The following PDE3B variants were observed in gnomAD, a reference collection of about 807,000 sequenced individuals.
The protein encoded by PDE3B is phosphodiesterase 3B, also known as cGMP-inhibited 3',5'-cyclic phosphodiesterase 3B.
In PDE3B, 66 loss-of-function variants were observed where a neutral mutation model predicts 116.8. That is an observed-to-expected ratio of 0.56 (90% CI 0.46 to 0.69). The LOEUF is 0.69. Among genes scored for constraint, PDE3B ranks in the 30% least tolerant of loss-of-function variants. PDE3B has a pLI of 0.00. For synonymous variants in PDE3B, 595 were observed against 533.6 expected (o/e 1.12, Z -1.59); for missense variants, 1,384 against 1,368.1 (o/e 1.01, Z -0.18).
At chr11:14,858,905 C>T (rs1051039839) in intron 12 of PDE3B, 138 bp from the exon 13 acceptor site, 5 of 574,208 alleles carry the variant, frequency 8.7e-6, no homozygotes, top group African/African-American at 1.9e-5. Flanking sequence ...AACCTATTTT[C>T]ACAGGTACTA....
intron 1 of PDE3B, among the ~76,000 whole-genome samples, chr11:14,760,773 T>C (rs1857339335): frequency 1.3e-5 from 2 of 152,166 alleles, no homozygotes; most frequent in Admixed American, 1.3e-4. Context: ...ACATATTCTT[T>C]TGGAACATTA....
intron 1 of PDE3B, among the ~76,000 whole-genome samples, chr11:14,661,379 C>T (rs866551744): frequency 1.7e-4 from 26 of 152,328 alleles, no homozygotes; most frequent in Middle Eastern, 6.8e-3. Context: ...GCGTGAGCGA[C>T]GCAAAAGACG....
At chr11:14,746,167 A>T (rs552978150) in intron 1 of PDE3B, among the ~76,000 whole-genome samples, 1 of 152,242 alleles carries the variant, frequency 6.6e-6, no homozygotes, top group African/African-American at 2.4e-5. Context: ...GCCAAGGCGG[A>T]TGGATCACTT....
chr11:14,650,404 G>T (rs550067673), intron 1 of PDE3B, among the ~76,000 whole-genome samples: 1 of 151,870 alleles, frequency 6.6e-6, no homozygotes, highest in African/African-American at 2.4e-5. Context: ...AAGGGGTTTC[G>T]CTGTGTTGCC....
At chr11:14,686,065 A>G (rs1479698635) in intron 1 of PDE3B, among the ~76,000 whole-genome samples, 2 of 152,194 alleles carry the variant, frequency 1.3e-5, no homozygotes, top group Non-Finnish European at 1.5e-5. Context: ...GAAGTTCTTC[A>G]GTTTTGTACA....
intron 12 of PDE3B, among the ~76,000 whole-genome samples, chr11:14,857,047 A>G (rs782063658): frequency 8.5e-5 from 13 of 152,130 alleles, no homozygotes; most frequent in African/African-American, 2.7e-4. Flanking sequence ...AAGTGTTACT[A>G]TTTGCTAAGA....
intron 2 of PDE3B, among the ~76,000 whole-genome samples, chr11:14,779,415 A>G (rs569955431): frequency 2.8e-4 from 43 of 152,366 alleles, no homozygotes; most frequent in South Asian, 1.9e-3. Flanking sequence ...GGGCAGCCAG[A>G]GAGAAAGGTC....
chr11:14,792,114 G>A (rs1045563549), intron 4 of PDE3B, among the ~76,000 whole-genome samples: 10 of 151,942 alleles, frequency 6.6e-5, no homozygotes, highest in African/African-American at 2.2e-4. Context: ...ATAGAATAAC[G>A]CCCAAATTCC....
At chr11:14,892,833 C>T in the PDE3B span, among the ~76,000 whole-genome samples, 1 of 152,046 alleles carries the variant, frequency 6.6e-6, no homozygotes, top group South Asian at 2.1e-4. Context: ...TATATTTGAC[C>T]CCTCTCTGGT....
At chr11:14,879,384 C>T in the PDE3B span, 14 of 1,609,496 alleles carry the variant, frequency 8.7e-6, no homozygotes, top group South Asian at 1.1e-5. Flanking sequence ...TTGCATTTGT[C>T]GTCCCAAGAA....
At chr11:14,877,042 A>G (rs1848197889), downstream of PDE3B, among the ~76,000 whole-genome samples, 1 of 152,176 alleles carries the variant, frequency 6.6e-6, no homozygotes, top group Non-Finnish European at 1.5e-5. Flanking sequence ...CATTGTGTGC[A>G]CTGACTCTGA....
chr11:14,771,610 A>G (rs1051392341), intron 1 of PDE3B, among the ~76,000 whole-genome samples: 1 of 151,752 alleles, frequency 6.6e-6, no homozygotes, highest in African/African-American at 2.4e-5. Context: ...GTAGGCAGAG[A>G]ATATCTGATG....
intron 2 of PDE3B, among the ~76,000 whole-genome samples, chr11:14,784,766 T>C (rs1056523279): frequency 2.0e-5 from 3 of 152,146 alleles, no homozygotes; most frequent in African/African-American, 7.2e-5. Context: ...AATGATTTTT[T>C]TTTACATGAG....
intron 3 of PDE3B, among the ~76,000 whole-genome samples, chr11:14,787,860 T>C (rs1178802036): frequency 6.6e-6 from 1 of 151,882 alleles, no homozygotes. Flanking sequence ...CTTTGCATTT[T>C]CTGTTGATAT....
chr11:14,679,717 CAT>C (rs1349832931), intron 1 of PDE3B, among the ~76,000 whole-genome samples: 4 of 151,888 alleles, frequency 2.6e-5, no homozygotes, highest in South Asian at 4.2e-4. Context: ...GGCGAACTCA[CAT>C]GTGTTTCAGG....
intron 12 of PDE3B, among the ~76,000 whole-genome samples, chr11:14,855,647 AAGAGAG>A (rs147471498): frequency 6.7e-6 from 1 of 149,996 alleles, no homozygotes; most frequent in Non-Finnish European, 1.5e-5. Context: ...GTGTGTGAGC[AAGAGAG>A]AGAGAGAGAG....
At chr11:14,768,227 A>G (rs1316121872) in intron 1 of PDE3B, among the ~76,000 whole-genome samples, 1 of 151,556 alleles carries the variant, frequency 6.6e-6, no homozygotes, top group Non-Finnish European at 1.5e-5. Context: ...CTGAACAAAT[A>G]TTTATGAAAT....
chr11:14,750,735 T>C (rs1027510565), intron 1 of PDE3B, among the ~76,000 whole-genome samples: 1 of 152,208 alleles, frequency 6.6e-6, no homozygotes, highest in Non-Finnish European at 1.5e-5. Context: ...GTTCAAGAAG[T>C]GGTTAAGAAC....
intron 1 of PDE3B, among the ~76,000 whole-genome samples, chr11:14,750,833 G>A (rs1359078332): frequency 6.6e-6 from 1 of 152,096 alleles, no homozygotes; most frequent in Non-Finnish European, 1.5e-5. Context: ...TAGGAGTAGA[G>A]ATTATTATCT....
Sources: gnomAD v4.1 joint callset for allele counts (sites outside exome capture counted in the v4.1 genomes callset) on GRCh38, gnomAD v4.1.1 for gene constraint, MANE v1.5 for transcripts, NCBI Gene and HGNC (gene_info 2026-07-23, HGNC 2026-07-21) for gene names.